The following PALLD variants were observed in gnomAD, a reference collection of about 807,000 sequenced individuals.
PALLD encodes palladin.
PALLD carries 61 observed loss-of-function variants against 123.5 expected under a neutral mutation model. The ratio of observed to expected loss-of-function variants is 0.49; its 90% CI spans 0.40 to 0.61. The LOEUF (loss-of-function observed/expected upper bound fraction) is 0.61. PALLD is among the 20% of genes least tolerant of loss of function. PALLD has a pLI of 0.00. For missense variants in PALLD, 1,273 were observed against 1,377.0 expected (o/e 0.92, Z 1.20); for synonymous variants, 465 against 496.4 (o/e 0.94, Z 0.84).
chr4:168,838,907 A>G (rs1011992346), intron 10 of PALLD, among the ~76,000 whole-genome samples: 1 of 152,038 alleles, frequency 6.6e-6, no homozygotes, highest in African/African-American at 2.4e-5. Flanking sequence ...TAATTATTTC[A>G]TTGAGTTAAT....
chr4:168,870,606 T>C (rs1200726528), intron 10 of PALLD, among the ~76,000 whole-genome samples: 1 of 152,210 alleles, frequency 6.6e-6, no homozygotes, highest in Non-Finnish European at 1.5e-5. Context: ...CTTGTTTAGT[T>C]GTCCAAGTTT....
intron 2 of PALLD, among the ~76,000 whole-genome samples, chr4:168,627,107 C>T (rs1775374216): frequency 6.6e-6 from 1 of 152,180 alleles, no homozygotes; most frequent in Admixed American, 6.5e-5. Context: ...TTAACAACAA[C>T]TAACATTTAA....
chr4:168,511,512 G>T lies in PALLD; in HGVS notation c.8G>T (p.Gly3Val), dbSNP rs189385916. 634 of 1,613,196 alleles carry T rather than the reference G, an allele frequency of 3.9e-4. 5 individuals are homozygous for T. In the Admixed American group the frequency reaches 0.01, roughly 26 times the overall value. The change falls in exon 2 of 22, where the codon GGG (glycine) becomes GTG (valine). Residue 3 changes from glycine to valine, a missense_variant. By Grantham distance (109) the Gly-to-Val change is moderately radical (BLOSUM62 -3). Coordinates refer to ENST00000505667, the MANE Select transcript of PALLD (RefSeq NM_001166108.2). ...CATGAAGACCGTTCAAATATGTCAG[G>T]GACCTCCTCCCATGAGTCCTTCTAT... is the stretch of plus-strand genomic sequence containing the variant. MS[G>V]TSSHESFYDS...
intron 3 of PALLD, among the ~76,000 whole-genome samples, chr4:168,681,019 T>C (rs1023091990): frequency 2.6e-5 from 4 of 152,188 alleles, no homozygotes; most frequent in African/African-American, 7.2e-5. Flanking sequence ...CACACATCTT[T>C]ATTTCATAGT....
At chr4:168,774,197 C>T (rs1221227618) in intron 10 of PALLD, among the ~76,000 whole-genome samples, 1 of 151,962 alleles carries the variant, frequency 6.6e-6, no homozygotes, top group Non-Finnish European at 1.5e-5. Flanking sequence ...AGAACTTTCT[C>T]CTTGTACTTG....
At chr4:168,690,492 G>T (rs1250721938) in intron 6 of PALLD, 111 bp from the exon 7 acceptor site, 14 of 1,336,428 alleles carry the variant, frequency 1.0e-5, no homozygotes, top group Non-Finnish European at 1.5e-5. Flanking sequence ...TTTGCATTTT[G>T]TGTTTGTATC....
At chr4:168,831,846 T>A (rs1224175088) in intron 10 of PALLD, among the ~76,000 whole-genome samples, 1 of 152,218 alleles carries the variant, frequency 6.6e-6, no homozygotes, top group East Asian at 1.9e-4. Flanking sequence ...AAAGCCCGAT[T>A]TGTAGCTTGG....
At chr4:168,526,269 A>G (rs1561209921) in intron 2 of PALLD, among the ~76,000 whole-genome samples, 1 of 152,146 alleles carries the variant, frequency 6.6e-6, no homozygotes, top group South Asian at 2.1e-4. Context: ...GTATTGTTGC[A>G]TATGTGTTTT....
chr4:168,527,416 C>A (rs1764159949), intron 2 of PALLD, among the ~76,000 whole-genome samples: 1 of 62,484 alleles, frequency 1.6e-5, no homozygotes, highest in African/African-American at 1.2e-4. Flanking sequence ...GAGTGAAACT[C>A]CATCTCAAAA....
chr4:168,743,776 C>T (rs1235531893), intron 10 of PALLD, among the ~76,000 whole-genome samples: 1 of 152,122 alleles, frequency 6.6e-6, no homozygotes, highest in Non-Finnish European at 1.5e-5. Flanking sequence ...AGCTTGCTTG[C>T]AGTTTGACTT....
At chr4:168,881,869 C>T (rs1752658261) in intron 10 of PALLD, among the ~76,000 whole-genome samples, 1 of 152,116 alleles carries the variant, frequency 6.6e-6, no homozygotes, top group Non-Finnish European at 1.5e-5. Context: ...TTGGCAGTGC[C>T]GACAGGCATA....
At chr4:168,720,398 G>A (rs1785881829) in intron 10 of PALLD, among the ~76,000 whole-genome samples, 1 of 152,216 alleles carries the variant, frequency 6.6e-6, no homozygotes, top group African/African-American at 2.4e-5. Flanking sequence ...TCGAAGGCTA[G>A]TCAAATAACA....
At chr4:168,645,007 A>G (rs1777303284) in intron 2 of PALLD, among the ~76,000 whole-genome samples, 1 of 151,848 alleles carries the variant, frequency 6.6e-6, no homozygotes. Context: ...AAGCTGAGGC[A>G]TGAGAATTGC....
intron 2 of PALLD, among the ~76,000 whole-genome samples, chr4:168,512,782 C>T (rs535708038): frequency 1.1e-4 from 16 of 152,212 alleles, no homozygotes; most frequent in Non-Finnish European, 1.8e-4. Flanking sequence ...TTGCTAAAGA[C>T]GGTTGAAAGC....
chr4:168,851,521 C>T (rs574581077), intron 10 of PALLD, among the ~76,000 whole-genome samples: 38 of 152,238 alleles, frequency 2.5e-4, no homozygotes, highest in Non-Finnish European at 4.6e-4. Context: ...GCGAGCACCA[C>T]CTCGCCCAGC....
chr4:168,679,632 C>G (rs1781346694), intron 3 of PALLD, among the ~76,000 whole-genome samples: 1 of 150,152 alleles, frequency 6.7e-6, no homozygotes, highest in Non-Finnish European at 1.5e-5. Flanking sequence ...CAGGTGAACT[C>G]AGCTCTCTGA....
intron 2 of PALLD, among the ~76,000 whole-genome samples, chr4:168,553,770 C>T (rs1341034353): frequency 6.6e-6 from 1 of 151,960 alleles, no homozygotes; most frequent in Non-Finnish European, 1.5e-5. Context: ...CTGATAAGCA[C>T]CAAGCTGCTT....
chr4:168,893,324 G>A (rs1038414559), intron 11 of PALLD, among the ~76,000 whole-genome samples: 2 of 152,116 alleles, frequency 1.3e-5, no homozygotes, highest in African/African-American at 2.4e-5. Flanking sequence ...GCTTCATGCC[G>A]CCCTCAGACT....
chr4:168,866,754 C>T (rs1440720417), intron 10 of PALLD, among the ~76,000 whole-genome samples: 1 of 152,064 alleles, frequency 6.6e-6, no homozygotes, highest in Admixed American at 6.6e-5. Flanking sequence ...ATAGTTTTTC[C>T]AAGAAATGTT....
Sources: gnomAD v4.1 joint callset for allele counts (sites outside exome capture counted in the v4.1 genomes callset) on GRCh38, gnomAD v4.1.1 for gene constraint, MANE v1.5 for transcripts, NCBI Gene and HGNC (gene_info 2026-07-23, HGNC 2026-07-21) for gene names.